The following MAP3K13 variants were observed in gnomAD, a reference collection of about 807,000 sequenced individuals.
The protein encoded by MAP3K13 is leucine zipper-bearing kinase.
A neutral mutation model predicts 104.0 loss-of-function variants in MAP3K13; 52 were observed. The observed-to-expected ratio is 0.50, with a 90% confidence interval of 0.40 to 0.63. The LOEUF (loss-of-function observed/expected upper bound fraction) is 0.63, where lower values mean the gene tolerates loss of function less well. MAP3K13 is among the 20% of genes least tolerant of loss of function. The pLI, the probability that MAP3K13 is intolerant of heterozygous loss-of-function variation, is 0.00. For synonymous variants in MAP3K13, 394 were observed against 442.2 expected (o/e 0.89, Z 1.37); for missense variants, 914 against 1,218.5 (o/e 0.75, Z 3.72).
At chr3:185,442,191 A>T (rs1715363937) in intron 3 of MAP3K13, among the ~76,000 whole-genome samples, 1 of 11,028 alleles carries the variant, frequency 9.1e-5, no homozygotes, top group African/African-American at 2.3e-4. Context: ...CTCTTTCTTA[A>T]AAAAAAAAAA....
chr3:185,337,715 A>C (rs1291719269), intron 2 of MAP3K13, among the ~76,000 whole-genome samples: 1 of 151,704 alleles, frequency 6.6e-6, no homozygotes, highest in African/African-American at 2.4e-5. Context: ...TTTTCTAGCA[A>C]CCTGATTCTT....
intron 3 of MAP3K13, among the ~76,000 whole-genome samples, chr3:185,439,150 C>T (rs1715194967): frequency 6.6e-6 from 1 of 151,896 alleles, no homozygotes; most frequent in Non-Finnish European, 1.5e-5. Flanking sequence ...AAACAAGACC[C>T]CTTATGGAAA....
At chr3:185,303,087 C>T (rs538908266) in intron 2 of MAP3K13, among the ~76,000 whole-genome samples, 62 of 152,170 alleles carry the variant, frequency 4.1e-4, no homozygotes, top group Admixed American at 1.4e-3. Context: ...TCAGTTGAGA[C>T]GGTCATATGG....
chr3:185,401,482 C>T (rs1043602624), intron 1 of MAP3K13, among the ~76,000 whole-genome samples: 8 of 152,132 alleles, frequency 5.3e-5, no homozygotes, highest in Non-Finnish European at 1.2e-4. Flanking sequence ...GATGGAATCT[C>T]CTCGGGGAGC....
At chr3:185,290,345 T>G (rs1720687801) in intron 2 of MAP3K13, among the ~76,000 whole-genome samples, 1 of 152,138 alleles carries the variant, frequency 6.6e-6, no homozygotes, top group Non-Finnish European at 1.5e-5. Flanking sequence ...CTATAATATT[T>G]TAGTGCGTGC....
At chr3:185,454,931 GAT>G (rs1358652969) in intron 7 of MAP3K13, among the ~76,000 whole-genome samples, 14 of 57,914 alleles carry the variant, frequency 2.4e-4, no homozygotes, top group African/African-American at 5.5e-4. Context: ...ATATATATAT[GAT>G]ATATATATGA....
upstream of MAP3K13, among the ~76,000 whole-genome samples, chr3:185,361,007 A>G (rs1723586766): frequency 6.6e-6 from 1 of 150,968 alleles, no homozygotes; most frequent in African/African-American, 2.4e-5. Context: ...TTGTATTTTT[A>G]GTAGAGATGG....
intron 2 of MAP3K13, among the ~76,000 whole-genome samples, chr3:185,304,779 A>G (rs748696901): frequency 1.8e-4 from 27 of 152,066 alleles, no homozygotes; most frequent in Non-Finnish European, 2.8e-4. Context: ...GACTACAGAC[A>G]TGCGCCACCA....
intron 2 of MAP3K13, among the ~76,000 whole-genome samples, chr3:185,436,793 A>G (rs1715050978): frequency 6.6e-6 from 1 of 152,034 alleles, no homozygotes; most frequent in Admixed American, 6.6e-5. Flanking sequence ...ACCTGAGGTC[A>G]GGAGTTCGAG....
chr3:185,329,031 C>T (rs966200458), intron 2 of MAP3K13: 2 of 490,568 alleles, frequency 4.1e-6, no homozygotes, highest in Non-Finnish European at 7.3e-6. Flanking sequence ...GAATAATTTC[C>T]ATCAAAGATT....
Position 185,291,625 on chromosome 3 carries a change from C to T in MAP3K13, c.-86+5982C>T, listed in dbSNP as rs200003218. 49 of 1,527,518 alleles carry T rather than the reference C, an allele frequency of 3.2e-5. No individual in the cohort carries two copies. The Middle Eastern group carries it at 5.3e-4, about 16-fold the overall frequency. The allele number at this position is 1,527,518 out of a possible 1,614,324, so 94.6% of individuals were successfully genotyped here. On this transcript the variant is annotated intron_variant, in intron 2 of 14. Coordinates refer to the MAP3K13 transcript ENST00000424227. ...TTTTGTTTTCAAGCATCAAGTACCA[C>T]GTTTTTGAAGACCATGGCCTATCAT... is the stretch of plus-strand genomic sequence containing the variant.
intron 2 of MAP3K13, among the ~76,000 whole-genome samples, chr3:185,344,901 A>G (rs1176052745): frequency 7.7e-6 from 1 of 129,666 alleles, no homozygotes; most frequent in African/African-American, 3.6e-5. Flanking sequence ...TTTTTTTTTG[A>G]GACAGAGTCT....
chr3:185,472,507 G>A (rs968483107), intron 10 of MAP3K13, among the ~76,000 whole-genome samples: 5 of 151,942 alleles, frequency 3.3e-5, no homozygotes, highest in East Asian at 1.9e-4. Flanking sequence ...CACCGCACCC[G>A]GCCCATCCCT....
chr3:185,442,374 G>A (rs1480431156), intron 3 of MAP3K13, among the ~76,000 whole-genome samples: 1 of 151,620 alleles, frequency 6.6e-6, no homozygotes, highest in African/African-American at 2.4e-5. Context: ...AAATTGAGTC[G>A]TCTTTGGGTC....
intron 2 of MAP3K13, among the ~76,000 whole-genome samples, chr3:185,308,326 G>A (rs1721376094): frequency 1.3e-5 from 2 of 152,038 alleles, no homozygotes; most frequent in African/African-American, 4.8e-5. Context: ...CCATGGTACT[G>A]CTGGTTTTCT....
chr3:185,329,833 A>C (rs1418195703), intron 2 of MAP3K13, among the ~76,000 whole-genome samples: 1 of 151,302 alleles, frequency 6.6e-6, no homozygotes, highest in Non-Finnish European at 1.5e-5. Flanking sequence ...TTTTTAAAAA[A>C]CCTGGTACAT....
At chr3:185,386,095 C>CA (rs1185592828) in intron 1 of MAP3K13, among the ~76,000 whole-genome samples, 4 of 150,828 alleles carry the variant, frequency 2.7e-5, no homozygotes, top group East Asian at 1.9e-4. Flanking sequence ...GTGATACCAG[C>CA]AAAAAAAACT....
At chr3:185,311,504 A>T (rs2108686728) in intron 2 of MAP3K13, among the ~76,000 whole-genome samples, 1 of 152,254 alleles carries the variant, frequency 6.6e-6, no homozygotes, top group Non-Finnish European at 1.5e-5. Context: ...TTGAATGGAG[A>T]CACAGCCAAA....
chr3:185,311,044 A>G (rs933453756), intron 2 of MAP3K13, among the ~76,000 whole-genome samples: 4 of 152,192 alleles, frequency 2.6e-5, no homozygotes, highest in Non-Finnish European at 5.9e-5. Context: ...TCTCTAAATC[A>G]TATGTCTCTA....
Sources: gnomAD v4.1 joint callset for allele counts (sites outside exome capture counted in the v4.1 genomes callset) on GRCh38, gnomAD v4.1.1 for gene constraint, MANE v1.5 for transcripts, NCBI Gene and HGNC (gene_info 2026-07-23, HGNC 2026-07-21) for gene names.